Variants in PARK7 observed in about 807,000 individuals in gnomAD.
The protein encoded by PARK7 is Parkinson disease protein 7.
Under a neutral mutation model 20.5 loss-of-function variants are expected in PARK7, and 14 were observed. The ratio of observed to expected loss-of-function variants is 0.68; its 90% CI spans 0.45 to 1.07. The LOEUF (loss-of-function observed/expected upper bound fraction) is 1.07, where lower values mean the gene tolerates loss of function less well. Ranked by LOEUF, PARK7 falls within the 50% of genes least tolerant of loss-of-function variation. PARK7 has a pLI of 0.00. For missense variants in PARK7, 234 were observed against 238.1 expected (o/e 0.98, Z 0.11); for synonymous variants, 98 against 84.3 (o/e 1.16, Z -0.89).
intron 5 of PARK7, among the ~76,000 whole-genome samples, chr1:7,974,079 G>A (rs944330661): frequency 2.0e-5 from 3 of 151,930 alleles, no homozygotes; most frequent in Non-Finnish European, 4.4e-5. Flanking sequence ...GGAGACTGAG[G>A]TGGGAGGATC....
At chr1:7,976,476 C>T (rs896644938) in intron 5 of PARK7, among the ~76,000 whole-genome samples, 1 of 152,174 alleles carries the variant, frequency 6.6e-6, no homozygotes, top group Non-Finnish European at 1.5e-5. Flanking sequence ...TCAGTGAATA[C>T]ATTTAAATAA....
chr1:7,967,806 G>C (rs1640359976), intron 3 of PARK7, among the ~76,000 whole-genome samples: 1 of 152,152 alleles, frequency 6.6e-6, no homozygotes, highest in Non-Finnish European at 1.5e-5. Context: ...TGTAGTCCTA[G>C]CTCCTGCAGA....
At chr1:7,979,305 C>T (rs1640661781) in intron 6 of PARK7, among the ~76,000 whole-genome samples, 1 of 152,232 alleles carries the variant, frequency 6.6e-6, no homozygotes, top group Admixed American at 6.5e-5. Flanking sequence ...ACCCACTCGC[C>T]ACTCCCCAGG....
chr1:7,971,071 C>A, intron 5 of PARK7, 108 bp downstream of exon 5: 1 of 1,177,134 alleles, frequency 8.5e-7, no homozygotes, highest in Non-Finnish European at 1.3e-6. Flanking sequence ...GCATGCAGGG[C>A]ATCTGTGTTG....
intron 3 of PARK7, 33 bp from the exon 4 acceptor site, chr1:7,969,312 T>G: frequency 6.4e-7 from 1 of 1,552,838 alleles, no homozygotes; most frequent in Non-Finnish European, 8.9e-7. Flanking sequence ...AAATGAAATG[T>G]TTTTGTTTTC....
In PARK7 at chr1:7,985,204, A is replaced by C; in HGVS notation, c.*150A>C. ...GGAAGTATGGAAGTCACAACTACAC[A>C]GAGATTTCTCAGCCTACAAATTGTG... On this transcript the variant is annotated 3_prime_UTR_variant, in exon 7 of 7. Coordinates refer to ENST00000338639, the MANE Select transcript of PARK7 (RefSeq NM_007262.5). 1 of 1,043,330 alleles carries C rather than the reference A, an allele frequency of 9.6e-7. No homozygotes were observed. 64.6% of individuals were successfully genotyped at this position (1,043,330 alleles called of 1,614,324 possible).
At chr1:7,964,139 G>A (rs921855735) in intron 2 of PARK7, among the ~76,000 whole-genome samples, 5 of 152,130 alleles carry the variant, frequency 3.3e-5, no homozygotes, top group Admixed American at 6.5e-5. Flanking sequence ...GGTAGCATTT[G>A]ACCGTGGTTC....
chr1:7,977,878 G>T, intron 6 of PARK7, 140 bp downstream of exon 6: 2 of 708,004 alleles, frequency 2.8e-6, no homozygotes, highest in Non-Finnish European at 4.9e-6. Flanking sequence ...TTCTCTCTCA[G>T]CCTCCTGAGT....
At chr1:7,970,290 G>C (rs878995488) in intron 4 of PARK7, among the ~76,000 whole-genome samples, 1 of 152,150 alleles carries the variant, frequency 6.6e-6, no homozygotes, top group East Asian at 1.9e-4. Flanking sequence ...AGATGATTTG[G>C]TTTTTTTCCA....
At chr1:7,964,129 G>C (rs547075975) in intron 2 of PARK7, among the ~76,000 whole-genome samples, 5 of 152,174 alleles carry the variant, frequency 3.3e-5, no homozygotes, top group African/African-American at 1.2e-4. Flanking sequence ...ATGTCTTTAA[G>C]GTAGCATTTG....
At position 7,984,971 on chromosome 1, in the gene PARK7, G is replaced by C. The variant is rs74315354; in HGVS notation, c.487G>C (p.Glu163Gln). 6.2e-7 allele frequency: 1 copy of C among 1,614,222 alleles called. No homozygotes were observed. Among genetic ancestry groups the C allele is most frequent in the African/African-American group, 1.3e-5 (1 of 75,048 alleles). The part of the protein sequence containing the change: ...LTSRGPGTSF[E>Q]FALAIVEALN... Reference sequence around the variant, plus strand: ...AAGCCGGGGGCCTGGGACCAGCTTCGAGTTTGCGCTTGCAATTGTTGAAGC... The same window carrying C: ...AAGCCGGGGGCCTGGGACCAGCTTCCAGTTTGCGCTTGCAATTGTTGAAGC... The change falls in exon 7 of 7, where the codon GAG becomes CAG. Residue 163 changes from glutamate (E) to glutamine (Q), a missense_variant. Glu to Gln is a conservative substitution (Grantham distance 29). Coordinates refer to ENST00000338639, the MANE Select transcript of PARK7 (RefSeq NM_007262.5). This position sits in a 1 kb window ranked among gnomAD's most constrained non-coding sequence, Gnocchi z 4.3.
At chr1:7,973,907 C>CAA (rs781083944) in intron 5 of PARK7, among the ~76,000 whole-genome samples, 2 of 74,326 alleles carry the variant, frequency 2.7e-5, no homozygotes, top group African/African-American at 4.1e-5. Context: ...GACTTCGTTT[C>CAA]AAAAAAAAAA....
intron 5 of PARK7, among the ~76,000 whole-genome samples, chr1:7,974,426 G>A (rs1158260095): frequency 4.6e-5 from 7 of 151,936 alleles, no homozygotes; most frequent in South Asian, 4.1e-4. Flanking sequence ...TCAGGAGATC[G>A]AGACCATCCT....
At chr1:7,973,663 A>C (rs1323323794) in intron 5 of PARK7, among the ~76,000 whole-genome samples, 3 of 85,560 alleles carry the variant, frequency 3.5e-5, no homozygotes, top group African/African-American at 1.6e-4. Context: ...GCAGTGAGCC[A>C]AGATTGCGCC....
In PARK7 at chr1:7,984,236, C is replaced by T. The variant is rs868158548; in HGVS notation, c.410-658C>T. Among the ~76,000 whole-genome samples, 14 of 152,054 alleles carry T rather than the reference C, an allele frequency of 9.2e-5. No homozygotes were observed. The highest frequency in any genetic ancestry group is 3.4e-4 in the African/African-American group (14 of 41,394). ...TGGGTGTGGGGAGGGAGGTTAGGCT[C>T]TGTGTGCAGTGGAGAGGCTGGTGAC... is the stretch of plus-strand genomic sequence containing the variant. On this transcript the variant is annotated intron_variant, in intron 6 of 6. Coordinates refer to ENST00000338639, the MANE Select transcript of PARK7 (RefSeq NM_007262.5). The surrounding 1 kb of genome is among the most constrained non-coding windows in gnomAD (Gnocchi z 4.3).
In PARK7 at chr1:7,976,673, T is replaced by C. The variant is rs116803801; in HGVS notation, c.323-979T>C. Among the ~76,000 whole-genome samples, 352 of 152,328 alleles carry C rather than the reference T, an allele frequency of 2.3e-3. 1 individual carries two copies. The highest frequency in any genetic ancestry group is 8.0e-3 in the African/African-American group (332 of 41,568). Reference sequence around the variant, plus strand: ...ATTTTAATCCTACCACCTGGCATACTTGGGTGGATAGGTGGATGAACGAGT... The same window carrying C: ...ATTTTAATCCTACCACCTGGCATACCTGGGTGGATAGGTGGATGAACGAGT... On this transcript the variant is annotated intron_variant, in intron 5 of 6. Coordinates refer to ENST00000338639, the MANE Select transcript of PARK7 (RefSeq NM_007262.5).
intron 6 of PARK7, among the ~76,000 whole-genome samples, chr1:7,977,983 C>CTTT (rs1640622195): frequency 1.1e-5 from 1 of 87,202 alleles, no homozygotes; most frequent in South Asian, 3.9e-4. Context: ...TGGTCTCAAA[C>CTTT]TCTTTTTTTT....
Position 7,977,709 on chromosome 1 carries a change from C to T in PARK7, c.380C>T (p.Pro127Leu). ...IGFGSKVTTHPLAKDKMMNGG... is the reference protein window; with the variant it reads ...IGFGSKVTTHLLAKDKMMNGG... The stretch of plus-strand genomic sequence containing the variant: ...TTTGGAAGTAAAGTTACAACACACC[C>T]TCTTGCTAAAGACAAAATGATGAAT... The change falls in exon 6 of 7, where the codon CCT becomes CTT. Residue 127 changes from proline to leucine, a missense_variant. Physicochemically the swap from Pro to Leu is moderately conservative, Grantham distance 98. Coordinates refer to ENST00000338639, the MANE Select transcript of PARK7 (RefSeq NM_007262.5). The T allele has an allele frequency of 6.2e-7, 1 of 1,614,142 alleles. No homozygotes were observed. The highest frequency in any genetic ancestry group is 2.2e-5 in the East Asian group (1 of 44,884).
intron 4 of PARK7, 46 bp downstream of exon 4, chr1:7,969,450 G>GCCCCC: frequency 2.7e-6 from 2 of 740,566 alleles, no homozygotes; most frequent in Non-Finnish European, 4.9e-6. Flanking sequence ...TGGGGGGGGG[G>GCCCCC]AAAAACTAAA....
Sources: allele counts gnomAD v4.1 joint callset (sites outside exome capture counted in the v4.1 genomes callset), GRCh38; gene constraint gnomAD v4.1.1; non-coding constraint Gnocchi (gnomAD v3.1); transcripts MANE v1.5; gene names NCBI Gene and HGNC (gene_info 2026-07-23, HGNC 2026-07-21).